The following GRIP1 variants were observed in gnomAD, a reference collection of about 807,000 sequenced individuals.
The protein encoded by GRIP1 is glutamate receptor interacting protein 1.
Under a neutral mutation model 129.9 loss-of-function variants are expected in GRIP1, and 45 were observed. The observed-to-expected ratio is 0.35, with a 90% CI of 0.27 to 0.44. The LOEUF (loss-of-function observed/expected upper bound fraction) is 0.44, where lower values mean the gene tolerates loss of function less well. Among genes scored for constraint, GRIP1 ranks in the 20% least tolerant of loss-of-function variants. The probability of loss-of-function intolerance (pLI) is 1.00; values close to 1 mark genes in which losing one functional copy is unlikely to be tolerated. For missense variants in GRIP1, 1,196 were observed against 1,396.8 expected, an observed-to-expected ratio of 0.86 and a Z score of 2.29; for synonymous variants, 530 against 520.8, an observed-to-expected ratio of 1.02 and a Z score of -0.24.
rs1162717660 is a variant in GRIP1 at position 66,576,105 on chromosome 12, T to C, written c.136+20742A>G. Among the ~76,000 whole-genome samples, 6 of 152,326 alleles carry C rather than the reference T, an allele frequency of 3.9e-5. No individual in the cohort carries two copies. In the South Asian group the frequency reaches 1.0e-3, roughly 26 times the overall value. ...AGAAATCTTAGACCTCTGGGATATG[T>C]CCTGGCAACATTTTAGAAAGGATTA... On this transcript the variant is annotated intron_variant, in intron 2 of 24. Transcript: ENST00000359742.
intron 1 of GRIP1, among the ~76,000 whole-genome samples, chr12:66,659,423 T>C (rs1447550224): frequency 6.6e-6 from 1 of 152,254 alleles, no homozygotes; most frequent in Non-Finnish European, 1.5e-5. Flanking sequence ...TGTGAATGAA[T>C]AAATGAAGTT....
Position 66,347,881 on chromosome 12 carries a change from C to T in GRIP1, c.*1138G>A, listed in dbSNP as rs2054046463. 1 of 152,096 alleles carries T rather than the reference C, an allele frequency of 6.6e-6. No individual in the cohort carries two copies. Among genetic ancestry groups the T allele is most frequent in the Admixed American group, 6.5e-5 (1 of 15,276 alleles). The allele number at this position is 152,096 out of a possible 1,614,324, so 9.4% of individuals were successfully genotyped here. On this transcript the variant is annotated 3_prime_UTR_variant, in exon 25 of 25. Coordinates refer to ENST00000359742, the MANE Select transcript of GRIP1 (RefSeq NM_001366722.1). ...TAATCATTTCAATATGGAGAGTCTA[C>T]CATCAATATACAGATCTATTTATTT...
At chr12:66,934,109 A>G (rs1051099271) in intron 1 of GRIP1, among the ~76,000 whole-genome samples, 48 of 152,122 alleles carry the variant, frequency 3.2e-4, no homozygotes, top group Admixed American at 2.8e-3. Context: ...AAGACCTCCA[A>G]GGTCTACTAA....
intron 1 of GRIP1, among the ~76,000 whole-genome samples, chr12:66,823,142 T>C (rs145446885): frequency 7.4e-4 from 112 of 152,220 alleles, no homozygotes; most frequent in African/African-American, 2.5e-3. Context: ...TTCTGATCTA[T>C]AAAATGAGGG....
chr12:66,794,420 C>T (rs182708941), intron 1 of GRIP1, among the ~76,000 whole-genome samples: 16 of 152,232 alleles, frequency 1.1e-4, no homozygotes, highest in East Asian at 7.7e-4. Context: ...AATCACAAAA[C>T]GATGGAGTAA....
At chr12:66,479,066 A>G (rs12829549) in intron 7 of GRIP1, among the ~76,000 whole-genome samples, 6,758 of 149,606 alleles carry the variant, frequency 0.045, 214 homozygotes, top group Middle Eastern at 0.11. Context: ...GAAAAAAAAG[A>G]GAAAGAAACT....
intron 9 of GRIP1, among the ~76,000 whole-genome samples, chr12:66,462,140 T>C (rs2059154154): frequency 1.3e-5 from 2 of 152,350 alleles, no homozygotes; most frequent in African/African-American, 4.8e-5. Flanking sequence ...ACACTTTCTA[T>C]TGAATAAATG....
intron 14 of GRIP1, among the ~76,000 whole-genome samples, chr12:66,428,419 T>C (rs879501617): frequency 1.3e-5 from 2 of 152,202 alleles, no homozygotes; most frequent in Non-Finnish European, 2.9e-5. Flanking sequence ...TTCATGATTT[T>C]ATAAGAAAAT....
intron 1 of GRIP1, among the ~76,000 whole-genome samples, chr12:66,753,326 G>A (rs867280353): frequency 7.5e-6 from 1 of 133,508 alleles, no homozygotes; most frequent in African/African-American, 2.5e-5. Context: ...AATGTGAATG[G>A]AAGGAATGGG....
At chr12:66,872,814 GAAAC>G (rs2040318339) in intron 1 of GRIP1, among the ~76,000 whole-genome samples, 1 of 152,032 alleles carries the variant, frequency 6.6e-6, no homozygotes, top group Non-Finnish European at 1.5e-5. Context: ...ACTATGCTGT[GAAAC>G]AAACTATCCC....
chr12:66,990,190 A>C (rs1318503188), intron 1 of GRIP1, among the ~76,000 whole-genome samples: 2 of 152,184 alleles, frequency 1.3e-5, no homozygotes, highest in African/African-American at 4.8e-5. Context: ...CTAGGCACTC[A>C]CTATACGCAT....
At chr12:66,815,073 C>T (rs2039182012) in intron 1 of GRIP1, among the ~76,000 whole-genome samples, 1 of 152,116 alleles carries the variant, frequency 6.6e-6, no homozygotes. Flanking sequence ...ATCAGCAGAT[C>T]CATATTAGAT....
In GRIP1 at chr12:66,387,771, G is replaced by A. The variant is rs572879813; in HGVS notation, c.2464+4537C>T. ...TGATGATGAAACATGAGCTTGTAGAGATCAGAAGAGAAACGAAAGAGAAAA... is the reference window on the plus strand; with the variant it reads ...TGATGATGAAACATGAGCTTGTAGAAATCAGAAGAGAAACGAAAGAGAAAA... On this transcript the variant is annotated intron_variant, in intron 19 of 24. Coordinates refer to ENST00000359742, the MANE Select transcript of GRIP1 (RefSeq NM_001366722.1). 5.3e-5 allele frequency among the ~76,000 whole-genome samples: 8 copies of A among 152,286 alleles called. No individual in the cohort carries two copies. In the South Asian group the frequency reaches 1.4e-3, roughly 28 times the overall value.
intron 1 of GRIP1, among the ~76,000 whole-genome samples, chr12:67,066,888 T>TTTATATA (rs59891449): frequency 6.4e-5 from 8 of 125,662 alleles, no homozygotes; most frequent in East Asian, 2.4e-4. Context: ...AAATATATAT[T>TTTATATA]TATATATATA....
intron 1 of GRIP1, among the ~76,000 whole-genome samples, chr12:66,929,488 T>C (rs2041351692): frequency 6.6e-6 from 1 of 152,240 alleles, no homozygotes; most frequent in Admixed American, 6.5e-5. Context: ...AACAGATCAT[T>C]TCTGTCTTGC....
At chr12:66,777,876 C>T (rs1467450116) in intron 1 of GRIP1, among the ~76,000 whole-genome samples, 1 of 152,050 alleles carries the variant, frequency 6.6e-6, no homozygotes, top group African/African-American at 2.4e-5. Flanking sequence ...CCAATGTTTA[C>T]CCTATTATAT....
At chr12:66,739,790 A>C (rs1249686073) in intron 1 of GRIP1, among the ~76,000 whole-genome samples, 1 of 152,032 alleles carries the variant, frequency 6.6e-6, no homozygotes, top group Non-Finnish European at 1.5e-5. Flanking sequence ...CCCTCTTTCT[A>C]ACCTGAAACC....
intron 19 of GRIP1, among the ~76,000 whole-genome samples, chr12:66,392,076 A>G (rs1272407333): frequency 1.3e-5 from 2 of 152,222 alleles, no homozygotes; most frequent in African/African-American, 4.8e-5. Flanking sequence ...GGCCATCAGT[A>G]GACCTAATGG....
In GRIP1 at chr12:66,590,722, G is replaced by T. The variant is rs148119457; in HGVS notation, c.136+6125C>A. On this transcript the variant is annotated intron_variant, in intron 2 of 24. Coordinates refer to ENST00000359742, the MANE Select transcript of GRIP1 (RefSeq NM_001366722.1). ...TTCTGGGCAAACAGAAACAAATGAG[G>T]CTGGGGGGAACCTCTGGCTTTTCAA... 7.8e-3 allele frequency among the ~76,000 whole-genome samples: 1,186 copies of T among 152,284 alleles called. 16 individuals are homozygous for T. Among genetic ancestry groups the T allele is most frequent in the African/African-American group, 0.028 (1,143 of 41,548 alleles).
Sources: gnomAD v4.1 joint callset for allele counts (sites outside exome capture counted in the v4.1 genomes callset) on GRCh38, gnomAD v4.1.1 for gene constraint, MANE v1.5 for transcripts, NCBI Gene and HGNC (gene_info 2026-07-23, HGNC 2026-07-21) for gene names.